Variants in POLN observed in about 807,000 individuals in gnomAD.
POLN encodes the protein DNA polymerase nu.
Under a neutral mutation model 113.5 loss-of-function variants are expected in POLN, and 108 were observed. The observed-to-expected ratio is 0.95, with a 90% confidence interval of 0.81 to 1.12. The LOEUF is 1.12. Among genes scored for constraint, POLN ranks in the 50% most tolerant of loss-of-function variants. POLN has a pLI of 0.00. For synonymous variants in POLN, 386 were observed against 391.5 expected (o/e 0.99, Z 0.17); for missense variants, 1,097 against 1,077.1 (o/e 1.02, Z -0.26).
intron 7 of POLN, among the ~76,000 whole-genome samples, chr4:2,182,160 T>A (rs1733159459): frequency 6.6e-6 from 1 of 152,174 alleles, no homozygotes; most frequent in South Asian, 2.1e-4. Context: ...ACAAAGGTAC[T>A]AAGAATGGTG....
intron 2 of POLN, 180 bp from the exon 3 acceptor site, chr4:2,229,423 G>C (rs1230909299): frequency 4.2e-6 from 2 of 474,522 alleles, no homozygotes; most frequent in Admixed American, 8.2e-5. Context: ...AAGCAAAATA[G>C]CTAGAGGCTT....
intron 19 of POLN, among the ~76,000 whole-genome samples, chr4:2,109,652 A>AT (rs1033659659): frequency 1.3e-5 from 2 of 151,638 alleles, no homozygotes; most frequent in African/African-American, 2.4e-5. Flanking sequence ...ATCCAGCAAC[A>AT]TTTTTTCTTT....
chr4:2,094,553 A>G (rs373474127), intron 20 of POLN, among the ~76,000 whole-genome samples: 4 of 152,156 alleles, frequency 2.6e-5, no homozygotes, highest in East Asian at 1.9e-4. Context: ...ATTTGTGGCA[A>G]TTTGTTACCT....
chr4:2,153,143 C>A (rs960409610), intron 16 of POLN, among the ~76,000 whole-genome samples: 2 of 152,204 alleles, frequency 1.3e-5, no homozygotes. Flanking sequence ...CTGCAGGGAT[C>A]TCCACAAGCT....
chr4:2,110,628 C>T (rs1260660071), intron 19 of POLN, among the ~76,000 whole-genome samples: 1 of 152,054 alleles, frequency 6.6e-6, no homozygotes, highest in African/African-American at 2.4e-5. Flanking sequence ...GCAAATAAAC[C>T]AGAAAATCTA....
chr4:2,086,186 G>T (rs1325413690), intron 20 of POLN, among the ~76,000 whole-genome samples: 1 of 152,192 alleles, frequency 6.6e-6, no homozygotes, highest in East Asian at 1.9e-4. Context: ...AATGTCTCTG[G>T]TTGGGGCCAG....
At chr4:2,080,869 G>A in intron 23 of POLN, 89 bp downstream of exon 23, 1 of 1,605,392 alleles carries the variant, frequency 6.2e-7, no homozygotes, top group Non-Finnish European at 8.5e-7. Context: ...AGCAGAGATG[G>A]TGATCATCAG....
intron 3 of POLN, among the ~76,000 whole-genome samples, chr4:2,225,498 G>A (rs1370811671): frequency 6.6e-6 from 1 of 151,222 alleles, no homozygotes; most frequent in African/African-American, 2.4e-5. Context: ...GGGTTGCAGT[G>A]AGCCGAGATC....
intron 16 of POLN, among the ~76,000 whole-genome samples, chr4:2,145,502 C>G (rs1244322069): frequency 6.6e-6 from 1 of 152,000 alleles, no homozygotes; most frequent in Non-Finnish European, 1.5e-5. Flanking sequence ...AAGAAATAAA[C>G]AAGTGAGTCA....
At chr4:2,075,293 C>T (rs1453320825) in intron 24 of POLN, among the ~76,000 whole-genome samples, 159 bp downstream of exon 24, 1 of 152,256 alleles carries the variant, frequency 6.6e-6, no homozygotes, top group Non-Finnish European at 1.5e-5. Flanking sequence ...GCTGGCCCCT[C>T]TGCCTGCCAG....
chr4:2,142,131 TA>T (rs1423364252), intron 16 of POLN, among the ~76,000 whole-genome samples: 4 of 152,240 alleles, frequency 2.6e-5, no homozygotes, highest in Admixed American at 2.6e-4. Context: ...TCTTGATATT[TA>T]AAAGGAAGCT....
At chr4:2,096,712 GAGAGAGAGAGAGAGAGAGAC>G (rs1730802101) in intron 19 of POLN, among the ~76,000 whole-genome samples, 1 of 151,836 alleles carries the variant, frequency 6.6e-6, no homozygotes, top group African/African-American at 2.4e-5. Context: ...GAGAGAGAGA[GAGAGAGAGAGAGAGAGAGAC>G]ACACAGAGAG....
chr4:2,232,310 A>G (rs968562204), intron 2 of POLN: 2 of 478,432 alleles, frequency 4.2e-6, no homozygotes, highest in African/African-American at 4.1e-5. Context: ...AAAATCCATA[A>G]CAGGTTTAAT....
Position 2,072,066 on chromosome 4 carries a change from A to G in POLN, c.*48T>C. On this transcript the variant is annotated 3_prime_UTR_variant, in exon 26 of 26. Transcript: ENST00000511885. ...AGCTGGTGACCTTGGGGAAGGCCAC[A>G]CAATGGACTGCTGGAAACCAGTTCT... The G allele has an allele frequency of 6.2e-7, 1 of 1,601,084 alleles. No homozygotes were observed. The highest frequency in any genetic ancestry group is 8.6e-7 in the Non-Finnish European group (1 of 1,169,136).
At chr4:2,222,565 G>A (rs1734285445) in intron 3 of POLN, among the ~76,000 whole-genome samples, 1 of 152,112 alleles carries the variant, frequency 6.6e-6, no homozygotes, top group Non-Finnish European at 1.5e-5. Flanking sequence ...CACCAGGGCT[G>A]AAAATTCAAG....
At chr4:2,150,829 A>C (rs1732274720) in intron 16 of POLN, among the ~76,000 whole-genome samples, 1 of 152,252 alleles carries the variant, frequency 6.6e-6, no homozygotes, top group African/African-American at 2.4e-5. Context: ...CACCATATAC[A>C]ACAGTCATAG....
intron 2 of POLN, chr4:2,241,227 TGATA>T: frequency 3.0e-6 from 1 of 329,964 alleles, no homozygotes; most frequent in Non-Finnish European, 5.4e-6. Context: ...TGTTTGATGA[TGATA>T]AAGAGAAACA....
At chr4:2,232,858 A>T (rs1457795826) in intron 2 of POLN, among the ~76,000 whole-genome samples, 1 of 152,174 alleles carries the variant, frequency 6.6e-6, no homozygotes, top group Non-Finnish European at 1.5e-5. Context: ...AGCCAGTATC[A>T]CCAAAGAGGT....
intron 8 of POLN, among the ~76,000 whole-genome samples, chr4:2,177,716 T>C (rs1221429170): frequency 6.6e-6 from 1 of 152,246 alleles, no homozygotes; most frequent in Non-Finnish European, 1.5e-5. Flanking sequence ...TTCTTTCTAA[T>C]ATCTCAGCTT....
Sources: gnomAD v4.1 joint callset for allele counts (sites outside exome capture counted in the v4.1 genomes callset) on GRCh38, gnomAD v4.1.1 for gene constraint, MANE v1.5 for transcripts, NCBI Gene and HGNC (gene_info 2026-07-23, HGNC 2026-07-21) for gene names.